BACH1: variants seen among roughly 807,000 people sequenced by gnomAD.
BACH1 encodes the protein BTB domain and CNC homolog 1.
Under a neutral mutation model 52.9 loss-of-function variants are expected in BACH1, and 35 were observed. That is an observed-to-expected ratio of 0.66 (90% CI 0.51 to 0.88). The LOEUF is 0.88. BACH1 is among the 40% of genes least tolerant of loss of function. BACH1 has a pLI of 0.00. For synonymous variants in BACH1, 321 were observed against 319.6 expected, an observed-to-expected ratio of 1.00 and a Z score of -0.05; for missense variants, 808 against 872.6, an observed-to-expected ratio of 0.93 and a Z score of 0.93.
chr21:29,333,009 T>TC (rs1398506829), intron 4 of BACH1, among the ~76,000 whole-genome samples: 1 of 152,242 alleles, frequency 6.6e-6, no homozygotes, highest in Non-Finnish European at 1.5e-5. Flanking sequence ...TTCCTTGAAG[T>TC]CTCTACTCAG....
intron 1 of BACH1, among the ~76,000 whole-genome samples, chr21:29,304,187 G>A (rs1421190721): frequency 1.3e-5 from 2 of 149,410 alleles, no homozygotes; most frequent in African/African-American, 2.5e-5. Flanking sequence ...GTGCAGTGGC[G>A]CGATCTCGGG....
intron 4 of BACH1, among the ~76,000 whole-genome samples, chr21:29,336,691 G>A (rs1468859413): frequency 6.6e-6 from 1 of 151,424 alleles, no homozygotes; most frequent in African/African-American, 2.4e-5. Flanking sequence ...TTGAAACAGA[G>A]TCTCACTCTG....
intron 4 of BACH1, among the ~76,000 whole-genome samples, chr21:29,332,566 G>A (rs2088996827): frequency 6.6e-6 from 1 of 152,140 alleles, no homozygotes; most frequent in Non-Finnish European, 1.5e-5. Context: ...AGACAATGGA[G>A]CCAGGCCTCA....
chr21:29,351,997 A>C (rs2089204887), intron 2 of BACH1, among the ~76,000 whole-genome samples: 1 of 152,174 alleles, frequency 6.6e-6, no homozygotes, highest in Non-Finnish European at 1.5e-5. Flanking sequence ...TTCAGAAAGT[A>C]CAGGAACTAT....
chr21:29,304,571 C>A (rs1336465048), intron 1 of BACH1, among the ~76,000 whole-genome samples: 3 of 152,182 alleles, frequency 2.0e-5, no homozygotes, highest in Non-Finnish European at 4.4e-5. Context: ...GTTTTCAATT[C>A]CTTTGTAGCC....
chr21:29,328,942 C>T (rs1185792794), intron 3 of BACH1, among the ~76,000 whole-genome samples: 2 of 152,130 alleles, frequency 1.3e-5, no homozygotes, highest in Non-Finnish European at 2.9e-5. Context: ...TTTCTTTATC[C>T]GTTCATCCAT....
Position 29,326,450 on chromosome 21 carries a change from C to G in BACH1, c.626C>G (p.Ser209Cys). ...GACAGTGCCAGTCAGACATATGAGT[C>G]CATGTGCTTAGAGAAGGATGCTGCT... ...LQDSASQTYE[S>C]MCLEKDAALA... The change falls in exon 3 of 5, where the codon TCC becomes TGC. Residue 209 changes from serine (S) to cysteine (C), a missense_variant. By Grantham distance (112) the Ser-to-Cys change is moderately radical. Transcript: ENST00000286800. 1 of 1,614,218 alleles carries G rather than the reference C, an allele frequency of 6.2e-7. No individual in the cohort carries two copies. Among genetic ancestry groups the G allele is most frequent in the Non-Finnish European group, 8.5e-7 (1 of 1,180,042 alleles).
rs1601368798 is a variant in BACH1 at position 29,342,265 on chromosome 21, T to C, written c.1777-134T>C. ...TGGGCCTTTAGTATTTAATGTATAA[T>C]TGAATGGAATTGAAAGGATAAACTC... On this transcript the variant is annotated intron_variant, in intron 4 of 4. Transcript: ENST00000286800. 3 of 886,970 alleles carry C rather than the reference T, an allele frequency of 3.4e-6. No homozygotes were observed. The African/African-American group carries it at 5.1e-5, about 15-fold the overall frequency. 54.9% of individuals were successfully genotyped at this position (886,970 alleles called of 1,614,324 possible).
At chr21:29,358,770 A>AAAAGAAAG (rs373884402) in intron 2 of BACH1, among the ~76,000 whole-genome samples, 13,897 of 108,478 alleles carry the variant, frequency 0.13, 847 homozygotes, top group Non-Finnish European at 0.15. Flanking sequence ...AAAAGAAAAG[A>AAAAGAAAG]AAAGAAAGAA....
intron 1 of BACH1, among the ~76,000 whole-genome samples, chr21:29,311,900 T>G (rs1270690379): frequency 6.6e-6 from 1 of 152,246 alleles, no homozygotes; most frequent in Non-Finnish European, 1.5e-5. Flanking sequence ...TCTCTCATTA[T>G]TTGTCTATTC....
At position 29,344,668 on chromosome 21, in the gene BACH1, G is replaced by GTA. The variant is rs1358709005; in HGVS notation, c.*1837_*1838dup. The GTA allele has an allele frequency of 1.4e-5, 2 of 143,840 alleles. No homozygotes were observed. Among genetic ancestry groups the GTA allele is most frequent in the Admixed American group, 7.0e-5 (1 of 14,276 alleles). 8.9% of individuals were successfully genotyped at this position (143,840 alleles called of 1,614,324 possible). A position where few individuals can be genotyped will look rare whatever the true frequency, so the allele number is the denominator to read the frequency against. On this transcript the variant is annotated 3_prime_UTR_variant, in exon 5 of 5. Coordinates refer to ENST00000286800, the MANE Select transcript of BACH1 (RefSeq NM_001186.4). Reference sequence around the variant, plus strand: ...TGTGTGTGTGTGTGTGTGTGTGTGTGTATGTGTATGTATACATATATATCT... The same window carrying GTA: ...TGTGTGTGTGTGTGTGTGTGTGTGTGTATATGTGTATGTATACATATATATCT...
In BACH1 at chr21:29,342,868, C is replaced by A; in HGVS notation, c.*35C>A. 1.3e-6 allele frequency: 2 copies of A among 1,533,688 alleles called. No individual in the cohort carries two copies. The highest frequency in any genetic ancestry group is 2.1e-5 in the Admixed American group (1 of 47,896). On this transcript the variant is annotated 3_prime_UTR_variant, in exon 5 of 5. Coordinates refer to ENST00000286800, the MANE Select transcript of BACH1 (RefSeq NM_001186.4). ...CACTTCCTTCAAACCATCTAATTTT[C>A]TCCTGAAGTTTTGGCAGCGTCTTGA...
chr21:29,359,105 A>C (rs2089255992), intron 2 of BACH1: 1 of 152,116 alleles, frequency 6.6e-6, no homozygotes, highest in Non-Finnish European at 1.5e-5. Flanking sequence ...ATTTCTTCTT[A>C]TATCAAGATG....
At chr21:29,336,665 A>AT (rs1049345523) in intron 4 of BACH1, among the ~76,000 whole-genome samples, 12 of 151,006 alleles carry the variant, frequency 7.9e-5, no homozygotes, top group Non-Finnish European at 1.6e-4. Context: ...TTTCTCTTTT[A>AT]TTTTTTTATT....
intron 1 of BACH1, among the ~76,000 whole-genome samples, chr21:29,304,663 C>CT (rs1235529728): frequency 6.6e-6 from 1 of 152,036 alleles, no homozygotes; most frequent in African/African-American, 2.4e-5. Context: ...CCCTACACAC[C>CT]TTTTTTCCAG....
At chr21:29,303,082 C>T (rs923112936) in intron 1 of BACH1, among the ~76,000 whole-genome samples, 3 of 152,194 alleles carry the variant, frequency 2.0e-5, no homozygotes, top group African/African-American at 7.2e-5. Context: ...CAGAACAGAA[C>T]TAGTTTCTCA....
At chr21:29,332,150 GGTC>G in intron 4 of BACH1, among the ~76,000 whole-genome samples, 1 of 152,180 alleles carries the variant, frequency 6.6e-6, no homozygotes. Flanking sequence ...TAGCCAGGAT[GGTC>G]TCGATCTCCT....
intron 4 of BACH1, among the ~76,000 whole-genome samples, chr21:29,342,073 T>G (rs1309511826): frequency 6.6e-6 from 1 of 152,182 alleles, no homozygotes; most frequent in Non-Finnish European, 1.5e-5. Context: ...ACTTTCTTCA[T>G]TATTTGCTAT....
Position 29,326,389 on chromosome 21 carries a change from T to C in BACH1, c.565T>C (p.Tyr189His), listed in dbSNP as rs2088911166. The change falls in exon 3 of 5, where the codon TAT becomes CAT. Residue 189 changes from tyrosine (Y) to histidine (H), a missense_variant. Physicochemically the swap from Tyr to His is moderately conservative, Grantham distance 83 (BLOSUM62 2). Coordinates refer to ENST00000286800, the MANE Select transcript of BACH1 (RefSeq NM_001186.4). ...VQTPQCKLRR[Y>H]QGNAKASPPL... ...GACTCCTCAGTGTAAACTCCGCAGGTATCAAGGAAATGCAAAAGCCTCACC... is the reference window on the plus strand; with the variant it reads ...GACTCCTCAGTGTAAACTCCGCAGGCATCAAGGAAATGCAAAAGCCTCACC... The C allele has an allele frequency of 1.2e-6, 2 of 1,614,198 alleles. No homozygotes were observed. Among genetic ancestry groups the C allele is most frequent in the Non-Finnish European group, 1.7e-6 (2 of 1,180,028 alleles).
Sources: allele counts gnomAD v4.1 joint callset (sites outside exome capture counted in the v4.1 genomes callset), GRCh38; gene constraint gnomAD v4.1.1; transcripts MANE v1.5; gene names NCBI Gene and HGNC (gene_info 2026-07-23, HGNC 2026-07-21).